PDE4D: variants seen among roughly 807,000 people sequenced by gnomAD.
PDE4D encodes 3',5'-cyclic-AMP phosphodiesterase 4D.
Under a neutral mutation model 87.4 loss-of-function variants are expected in PDE4D, and 24 were observed. The observed-to-expected ratio is 0.27, with a 90% confidence interval of 0.20 to 0.39. The LOEUF (loss-of-function observed/expected upper bound fraction) is 0.39, where lower values mean the gene tolerates loss of function less well. PDE4D is among the 10% of genes least tolerant of loss of function. PDE4D has a pLI of 1.00. For missense variants in PDE4D, 714 were observed against 1,041.0 expected (o/e 0.69, Z 4.32); for synonymous variants, 384 against 383.2 (o/e 1.00, Z -0.02).
At chr5:59,353,295 G>C (rs917170774) in intron 1 of PDE4D, among the ~76,000 whole-genome samples, 2 of 151,880 alleles carry the variant, frequency 1.3e-5, no homozygotes, top group Non-Finnish European at 2.9e-5. Flanking sequence ...GGAGTTGTCA[G>C]GGTCCACAGG....
At chr5:59,991,409 A>T (rs1201045145) in intron 2 of PDE4D, among the ~76,000 whole-genome samples, 1 of 152,182 alleles carries the variant, frequency 6.6e-6, no homozygotes, top group African/African-American at 2.4e-5. Context: ...GAGGGTTTGA[A>T]CAACACATTT....
chr5:59,145,363 T>C (rs1468291733), intron 5 of PDE4D, among the ~76,000 whole-genome samples: 1 of 152,214 alleles, frequency 6.6e-6, no homozygotes, highest in Non-Finnish European at 1.5e-5. Context: ...GGTGCTTCTC[T>C]GGAATTTTGC....
At chr5:60,360,170 T>A (rs115940373) in intron 1 of PDE4D, among the ~76,000 whole-genome samples, 137 of 152,258 alleles carry the variant, frequency 9.0e-4, no homozygotes, top group African/African-American at 3.1e-3. Flanking sequence ...ATCAGACAGG[T>A]GGGATTGCTC....
chr5:59,980,818 G>A (rs2152824856), intron 3 of PDE4D, among the ~76,000 whole-genome samples: 1 of 152,298 alleles, frequency 6.6e-6, no homozygotes, highest in Middle Eastern at 3.4e-3. Flanking sequence ...TCTATGATAG[G>A]TGAGAAAAAA....
intron 1 of PDE4D, among the ~76,000 whole-genome samples, chr5:59,411,152 T>C (rs1474984264): frequency 6.6e-6 from 1 of 152,176 alleles, no homozygotes; most frequent in Non-Finnish European, 1.5e-5. Context: ...TTTAAGATTC[T>C]TGGTTCCTCA....
intron 1 of PDE4D, among the ~76,000 whole-genome samples, chr5:59,280,149 T>C (rs1765560200): frequency 6.6e-6 from 1 of 152,112 alleles, no homozygotes; most frequent in Admixed American, 6.6e-5. Context: ...CCATAAAATA[T>C]GATAAGGTCT....
intron 1 of PDE4D, among the ~76,000 whole-genome samples, chr5:59,522,687 TGC>T (rs571981390): frequency 6.6e-6 from 1 of 151,776 alleles, no homozygotes; most frequent in Non-Finnish European, 1.5e-5. Context: ...AAATTGCCTA[TGC>T]CATTTCACAT....
intron 1 of PDE4D, among the ~76,000 whole-genome samples, chr5:59,789,401 G>A (rs557712945): frequency 4.7e-4 from 72 of 152,332 alleles, no homozygotes; most frequent in Non-Finnish European, 7.6e-4. Flanking sequence ...GAAGCTACCA[G>A]ACATGTGCTC....
At chr5:60,095,273 T>C (rs1305104306) in intron 2 of PDE4D, among the ~76,000 whole-genome samples, 3 of 152,188 alleles carry the variant, frequency 2.0e-5, no homozygotes, top group African/African-American at 7.2e-5. Flanking sequence ...TTTGTTCAGC[T>C]CCCACCTATG....
intron 1 of PDE4D, among the ~76,000 whole-genome samples, chr5:60,374,225 T>C (rs1171240153): frequency 2.0e-5 from 3 of 152,146 alleles, no homozygotes; most frequent in Non-Finnish European, 2.9e-5. Flanking sequence ...TAATGTTGTA[T>C]GGGAAAGCAG....
At position 59,518,027 on chromosome 5, in the gene PDE4D, C is replaced by T. The variant is rs920578143; in HGVS notation, c.456-302059G>A. Among the ~76,000 whole-genome samples the T allele has an allele frequency of 9.2e-5, 14 of 152,234 alleles. No homozygotes were observed. In the East Asian group the frequency reaches 1.7e-3, roughly 19 times the overall value. ...TGACTTCCACTAAAATGTGCCTAAT[C>T]GTTTTATGAATGTCTTCCTATTCCA... On this transcript the variant is annotated intron_variant, in intron 1 of 14. Transcript: ENST00000340635.
At chr5:60,146,819 G>A (rs1412379305) in intron 2 of PDE4D, among the ~76,000 whole-genome samples, 5 of 152,080 alleles carry the variant, frequency 3.3e-5, no homozygotes, top group Non-Finnish European at 5.9e-5. Context: ...GTAAAGGATC[G>A]GAATAGACAT....
intron 6 of PDE4D, among the ~76,000 whole-genome samples, chr5:59,005,264 C>T (rs1439929232): frequency 6.6e-6 from 1 of 152,152 alleles, no homozygotes; most frequent in Non-Finnish European, 1.5e-5. Flanking sequence ...ATTCAACAGA[C>T]TTCTATTTGG....
chr5:59,291,793 A>T (rs1768086559), intron 1 of PDE4D, among the ~76,000 whole-genome samples: 2 of 149,234 alleles, frequency 1.3e-5, no homozygotes, highest in Non-Finnish European at 3.0e-5. Flanking sequence ...AGGAAAGCAG[A>T]CTTAACTATT....
intron 1 of PDE4D, among the ~76,000 whole-genome samples, chr5:59,554,714 C>T (rs924678700): frequency 6.6e-6 from 1 of 152,126 alleles, no homozygotes; most frequent in African/African-American, 2.4e-5. Flanking sequence ...CATGAAACGA[C>T]TGGAGGAATC....
intron 3 of PDE4D, among the ~76,000 whole-genome samples, chr5:59,980,627 T>C (rs997150480): frequency 1.3e-5 from 2 of 152,186 alleles, no homozygotes; most frequent in African/African-American, 4.8e-5. Context: ...CACACAGATA[T>C]AAAGTAAAAT....
chr5:59,412,542 T>C (rs1002092335), intron 1 of PDE4D, among the ~76,000 whole-genome samples: 16 of 152,114 alleles, frequency 1.1e-4, no homozygotes, highest in African/African-American at 3.9e-4. Context: ...CCCATGGCTG[T>C]TCTTACTTGG....
chr5:59,234,247 G>A (rs573985687), intron 1 of PDE4D, among the ~76,000 whole-genome samples: 6 of 152,080 alleles, frequency 3.9e-5, no homozygotes, highest in Admixed American at 1.3e-4. Context: ...TTTCTAGATA[G>A]ATTATGATAT....
At chr5:60,022,870 A>G (rs1766218263) in intron 2 of PDE4D, among the ~76,000 whole-genome samples, 1 of 152,032 alleles carries the variant, frequency 6.6e-6, no homozygotes, top group South Asian at 2.1e-4. Flanking sequence ...AAACCATTAC[A>G]TTGTCTCTCT....
Sources: gnomAD v4.1 joint callset for allele counts (sites outside exome capture counted in the v4.1 genomes callset) on GRCh38, gnomAD v4.1.1 for gene constraint, MANE v1.5 for transcripts, NCBI Gene and HGNC (gene_info 2026-07-23, HGNC 2026-07-21) for gene names.